The following CADPS variants were observed in gnomAD, a reference collection of about 807,000 sequenced individuals.
The protein encoded by CADPS is calcium-dependent secretion activator 1.
A neutral mutation model predicts 167.3 loss-of-function variants in CADPS; 57 were observed. The ratio of observed to expected loss-of-function variants is 0.34; its 90% confidence interval spans 0.28 to 0.42. The LOEUF is 0.42. Ranked by LOEUF, CADPS falls within the 20% of genes least tolerant of loss-of-function variation. The pLI, the probability that CADPS is intolerant of heterozygous loss-of-function variation, is 1.00. For synonymous variants in CADPS, 676 were observed against 635.3 expected (o/e 1.06, Z -0.96); for missense variants, 1,414 against 1,738.1 (o/e 0.81, Z 3.32).
At chr3:62,648,683 C>A (rs2069170542) in intron 5 of CADPS, among the ~76,000 whole-genome samples, 2 of 2,062 alleles carry the variant, frequency 9.7e-4, no homozygotes, top group Non-Finnish European at 0.012. Flanking sequence ...CAGAGTGAGA[C>A]GTTGTGTCAA....
At chr3:62,694,506 G>A (rs1241606321) in intron 3 of CADPS, among the ~76,000 whole-genome samples, 2 of 151,966 alleles carry the variant, frequency 1.3e-5, no homozygotes, top group African/African-American at 2.4e-5. Flanking sequence ...TTACCTGGGG[G>A]AAGATCAATT....
At chr3:62,425,617 A>G (rs1423967500) in intron 28 of CADPS, among the ~76,000 whole-genome samples, 3 of 152,204 alleles carry the variant, frequency 2.0e-5, no homozygotes, top group Non-Finnish European at 4.4e-5. Flanking sequence ...CACGCATATA[A>G]AAAGAATTTA....
At chr3:62,768,534 C>T (rs986250915) in intron 1 of CADPS, among the ~76,000 whole-genome samples, 1 of 152,114 alleles carries the variant, frequency 6.6e-6, no homozygotes, top group African/African-American at 2.4e-5. Context: ...AAGCATGGTG[C>T]TCATTTAGTT....
chr3:62,499,122 T>C (rs754088656), intron 18 of CADPS, 40 bp downstream of exon 18: 2 of 1,294,838 alleles, frequency 1.5e-6, no homozygotes, highest in Non-Finnish European at 1.1e-6. Context: ...CAAGCTCAGC[T>C]AAGGGACAGT....
Position 62,433,054 on chromosome 3 carries a change from T to C in CADPS, c.3777+5050A>G, listed in dbSNP as rs895282531. On this transcript the variant is annotated intron_variant, in intron 28 of 29. Coordinates refer to ENST00000383710, the MANE Select transcript of CADPS (RefSeq NM_003716.4). The surrounding 1 kb of genome is among the most constrained non-coding windows in gnomAD (Gnocchi z 4.7). ...CAGCTGGTGATATACCTTACAGATATAGCGTCATGTCCTCCTTGTAGCCTA... is the reference window on the plus strand; with the variant it reads ...CAGCTGGTGATATACCTTACAGATACAGCGTCATGTCCTCCTTGTAGCCTA... Among the ~76,000 whole-genome samples the C allele has an allele frequency of 2.6e-5, 4 of 152,192 alleles. No individual in the cohort carries two copies. Among genetic ancestry groups the C allele is most frequent in the Non-Finnish European group, 4.4e-5 (3 of 68,030 alleles).
At chr3:62,486,010 G>A (rs1160201872) in intron 21 of CADPS, among the ~76,000 whole-genome samples, 1 of 152,128 alleles carries the variant, frequency 6.6e-6, no homozygotes, top group African/African-American at 2.4e-5. Context: ...TTTGACACCA[G>A]GCCACCTGCA....
chr3:62,756,063 T>C (rs905236902), intron 2 of CADPS, among the ~76,000 whole-genome samples: 16 of 151,674 alleles, frequency 1.1e-4, no homozygotes, highest in African/African-American at 2.9e-4. Flanking sequence ...TTTTCTTTTT[T>C]TTTTTTTTGA....
At chr3:62,590,047 G>A (rs2085587477) in intron 7 of CADPS, among the ~76,000 whole-genome samples, 1 of 152,100 alleles carries the variant, frequency 6.6e-6, no homozygotes, top group Admixed American at 6.5e-5. Flanking sequence ...AAATTAGCCA[G>A]ATGTGGTGGT....
In CADPS at chr3:62,680,837, G is replaced by A. The variant is rs114289828; in HGVS notation, c.889-18443C>T. Among the ~76,000 whole-genome samples the A allele has an allele frequency of 1.9e-3, 292 of 152,154 alleles. 1 individual carries two copies. Among genetic ancestry groups the A allele is most frequent in the Non-Finnish European group, 3.4e-3 (229 of 67,986 alleles). On this transcript the variant is annotated intron_variant, in intron 3 of 29. Coordinates refer to ENST00000383710, the MANE Select transcript of CADPS (RefSeq NM_003716.4). ...GTGAGAAATAGTGACAATATTGGTG[G>A]TGCTTGTGCTGGGAGTTTAGAGGCT...
At chr3:62,754,336 T>C (rs1227171400) in intron 2 of CADPS, among the ~76,000 whole-genome samples, 1 of 150,124 alleles carries the variant, frequency 6.7e-6, no homozygotes, top group Non-Finnish European at 1.5e-5. Flanking sequence ...CACCTGGCTA[T>C]TTATTTATTT....
intron 3 of CADPS, among the ~76,000 whole-genome samples, chr3:62,671,299 T>C (rs1348225911): frequency 6.6e-6 from 1 of 152,002 alleles, no homozygotes; most frequent in Non-Finnish European, 1.5e-5. Flanking sequence ...TAATGGATTA[T>C]CTTAATAATC....
chr3:62,487,185 G>A (rs1340182377), intron 21 of CADPS, among the ~76,000 whole-genome samples: 1 of 152,214 alleles, frequency 6.6e-6, no homozygotes, highest in Admixed American at 6.5e-5. Flanking sequence ...AGGTGTTTAA[G>A]TAAAGATTGA....
At chr3:62,537,948 T>C (rs2075031948) in intron 11 of CADPS, among the ~76,000 whole-genome samples, 1 of 152,208 alleles carries the variant, frequency 6.6e-6, no homozygotes, top group African/African-American at 2.4e-5. Flanking sequence ...CAAGTGGTCC[T>C]TGTTTGAACG....
intron 1 of CADPS, among the ~76,000 whole-genome samples, chr3:62,794,289 G>A (rs911364710): frequency 6.6e-6 from 1 of 152,140 alleles, no homozygotes; most frequent in Non-Finnish European, 1.5e-5. Context: ...TAATAATTAA[G>A]TAAGTAGTGA....
chr3:62,451,746 C>A (rs1215388083), intron 26 of CADPS, among the ~76,000 whole-genome samples: 1 of 152,166 alleles, frequency 6.6e-6, no homozygotes, highest in South Asian at 2.1e-4. Context: ...CACACCACCA[C>A]GTCAAAGGGC....
At chr3:62,515,640 CT>C (rs1290095314) in intron 16 of CADPS, among the ~76,000 whole-genome samples, 1 of 152,020 alleles carries the variant, frequency 6.6e-6, no homozygotes, top group Non-Finnish European at 1.5e-5. Flanking sequence ...TGATCTTGCT[CT>C]TTTCAGTTCT....
At position 62,863,103 on chromosome 3, in the gene CADPS, T is replaced by C. The variant is rs146542231; in HGVS notation, c.441+11486A>G. 2.2e-4 allele frequency among the ~76,000 whole-genome samples: 34 copies of C among 152,296 alleles called. No homozygotes were observed. The East Asian group carries it at 4.6e-3, about 21-fold the overall frequency. On this transcript the variant is annotated intron_variant, in intron 1 of 29. Transcript: ENST00000383710. ...TTATTGAACACCTATTATATATACA[T>C]ACAATCTGTCAGACACCTGGGGAGA...
chr3:62,448,623 G>A (rs573648069), intron 26 of CADPS, among the ~76,000 whole-genome samples: 1 of 130,280 alleles, frequency 7.7e-6, no homozygotes, highest in African/African-American at 2.7e-5. Context: ...AACTTTTTTG[G>A]GGGGGGGTGG....
chr3:62,835,286 T>G (rs2075733971), intron 1 of CADPS, among the ~76,000 whole-genome samples: 1 of 152,136 alleles, frequency 6.6e-6, no homozygotes, highest in East Asian at 1.9e-4. Context: ...TTGCAGCAAA[T>G]TAAAACAATC....
Sources: gnomAD v4.1 joint callset for allele counts (sites outside exome capture counted in the v4.1 genomes callset) on GRCh38, gnomAD v4.1.1 for gene constraint, Gnocchi (gnomAD v3.1) non-coding constraint, MANE v1.5 for transcripts, NCBI Gene and HGNC (gene_info 2026-07-23, HGNC 2026-07-21) for gene names.